Variants in SLMAP observed in about 807,000 individuals in gnomAD.
SLMAP encodes sarcolemma associated protein.
A neutral mutation model predicts 128.8 loss-of-function variants in SLMAP; 44 were observed. That is an observed-to-expected ratio of 0.34 (90% CI 0.27 to 0.44). The LOEUF (loss-of-function observed/expected upper bound fraction) is 0.44. SLMAP is among the 20% of genes least tolerant of loss of function. The pLI, the probability that SLMAP is intolerant of heterozygous loss-of-function variation, is 1.00. For missense variants in SLMAP, 787 were observed against 985.3 expected (o/e 0.80, Z 2.69); for synonymous variants, 327 against 348.8 (o/e 0.94, Z 0.70).
chr3:57,853,955 T>TTA (rs1157170350), intron 6 of SLMAP, among the ~76,000 whole-genome samples: 6,070 of 31,510 alleles, frequency 0.19, 579 homozygotes, highest in Non-Finnish European at 0.21. Context: ...AAAAAAAAAA[T>TTA]TATATATATA....
In SLMAP at chr3:57,896,213, A is replaced by G; in HGVS notation, c.1361-298A>G. The stretch of plus-strand genomic sequence containing the variant: ...CTATATTTGTTGCAGTTCTTTGAAT[A>G]CTTTAGCAAAGCTTGCTTCGTTTTT... On this transcript the variant is annotated intron_variant, in intron 15 of 24. Coordinates refer to ENST00000671191, the MANE Select transcript of SLMAP (RefSeq NM_001377540.1). 5 of 1,079,072 alleles carry G rather than the reference A, an allele frequency of 4.6e-6. No individual in the cohort carries two copies. The South Asian group carries it at 1.7e-4, about 36-fold the overall frequency. The allele number at this position is 1,079,072 out of a possible 1,614,324, so 66.8% of individuals were successfully genotyped here.
In SLMAP at chr3:57,786,637, A is replaced by G. The variant is rs1304766770; in HGVS notation, c.198+28788A>G. Among the ~76,000 whole-genome samples the G allele has an allele frequency of 2.7e-5, 4 of 149,598 alleles. No individual in the cohort carries two copies. In the East Asian group the frequency reaches 7.8e-4, roughly 29 times the overall value. ...AGTGGCACGATCTTGGTTCACTACA[A>G]CCTCCGCCTCCCAGGTTCAAACGAT... On this transcript the variant is annotated intron_variant, in intron 2 of 24. Transcript: ENST00000671191.
intron 2 of SLMAP, among the ~76,000 whole-genome samples, chr3:57,784,966 C>T: frequency 6.6e-6 from 1 of 152,124 alleles, no homozygotes; most frequent in East Asian, 1.9e-4. Context: ...AAGGCCCTCA[C>T]CAGATGCTGG....
At chr3:57,866,905 G>T (rs1321436886) in intron 13 of SLMAP, among the ~76,000 whole-genome samples, 1 of 151,980 alleles carries the variant, frequency 6.6e-6, no homozygotes, top group East Asian at 1.9e-4. Flanking sequence ...CGGGGCAGTG[G>T]CTCACACCTG....
At chr3:57,905,268 A>T (rs1199398208) in intron 17 of SLMAP, among the ~76,000 whole-genome samples, 3 of 151,970 alleles carry the variant, frequency 2.0e-5, no homozygotes, top group Non-Finnish European at 4.4e-5. Flanking sequence ...CCTACACCAG[A>T]GGATTAATCC....
At chr3:57,836,440 C>T (rs1242087658) in intron 3 of SLMAP, among the ~76,000 whole-genome samples, 2 of 152,182 alleles carry the variant, frequency 1.3e-5, no homozygotes, top group African/African-American at 4.8e-5. Flanking sequence ...CCTAATACCA[C>T]TGAACATATC....
At chr3:57,897,087 G>T in intron 17 of SLMAP, 155 bp downstream of exon 17, 1 of 1,400,898 alleles carries the variant, frequency 7.1e-7, no homozygotes, top group South Asian at 1.9e-5. Flanking sequence ...TAAAGTTTTG[G>T]TGTTTATACC....
At chr3:57,865,910 G>A (rs1405575174) in intron 13 of SLMAP, among the ~76,000 whole-genome samples, 1 of 152,124 alleles carries the variant, frequency 6.6e-6, no homozygotes, top group Non-Finnish European at 1.5e-5. Flanking sequence ...CTTCAGTCTT[G>A]AAGATCCCTA....
At chr3:57,905,509 G>A (rs1403171723) in intron 17 of SLMAP, among the ~76,000 whole-genome samples, 1 of 152,050 alleles carries the variant, frequency 6.6e-6, no homozygotes, top group African/African-American at 2.4e-5. Flanking sequence ...TTGAACTCCT[G>A]ACCTCAAGAG....
Position 57,922,870 on chromosome 3 carries a change from T to C in SLMAP, c.2311-19T>C, listed in dbSNP as rs769471099. 3 of 1,609,184 alleles carry C rather than the reference T, an allele frequency of 1.9e-6. No individual in the cohort carries two copies. The African/African-American group carries it at 4.0e-5, about 21-fold the overall frequency. The stretch of plus-strand genomic sequence containing the variant: ...CATTTTAAGTTGTATCTGCACACTT[T>C]TTTTTTCTTTGCCTTTAGTATGAAA... On this transcript the variant is annotated intron_variant, in intron 22 of 24. Transcript: ENST00000671191.
intron 2 of SLMAP, among the ~76,000 whole-genome samples, chr3:57,768,557 T>C (rs142246762): frequency 3.0e-4 from 46 of 152,188 alleles, no homozygotes; most frequent in Admixed American, 1.6e-3. Flanking sequence ...ATGTGTAGAA[T>C]AGGTAAATTC....
chr3:57,874,156 A>C (rs1401188884), intron 14 of SLMAP, among the ~76,000 whole-genome samples: 1 of 152,076 alleles, frequency 6.6e-6, no homozygotes. Flanking sequence ...TCCGGGAGTG[A>C]TGGCACATGT....
rs573458427 is a variant in SLMAP at position 57,813,443 on chromosome 3, G to A, written c.199-17940G>A. On this transcript the variant is annotated intron_variant, in intron 2 of 24. Coordinates refer to ENST00000671191, the MANE Select transcript of SLMAP (RefSeq NM_001377540.1). ...TATTGCTGAATCATTTTCCAAAAAAGTTGTATCAATTTATAGTCTCATGTC... is the reference window on the plus strand; with the variant it reads ...TATTGCTGAATCATTTTCCAAAAAAATTGTATCAATTTATAGTCTCATGTC... Among the ~76,000 whole-genome samples the A allele has an allele frequency of 5.3e-5, 8 of 152,162 alleles. No homozygotes were observed. In the East Asian group the frequency reaches 1.3e-3, roughly 26 times the overall value.
chr3:57,771,429 C>T (rs1267626317), intron 2 of SLMAP, among the ~76,000 whole-genome samples: 1 of 152,160 alleles, frequency 6.6e-6, no homozygotes, highest in Non-Finnish European at 1.5e-5. Flanking sequence ...TGGAATCTCG[C>T]CATGTTGCCC....
At chr3:57,858,011 C>T in intron 7 of SLMAP, 77 bp from the exon 8 acceptor site, 1 of 1,028,190 alleles carries the variant, frequency 9.7e-7, no homozygotes, top group Admixed American at 1.9e-5. Flanking sequence ...CTTTTGTTGT[C>T]AGTAGCAACC....
intron 2 of SLMAP, among the ~76,000 whole-genome samples, chr3:57,814,848 G>A (rs193274724): frequency 1.5e-3 from 230 of 152,144 alleles, no homozygotes; most frequent in African/African-American, 5.3e-3. Flanking sequence ...CTAGCTGGGT[G>A]TGGTGAATGT....
intron 3 of SLMAP, among the ~76,000 whole-genome samples, chr3:57,835,730 AT>A (rs2093608120): frequency 6.6e-6 from 1 of 152,212 alleles, no homozygotes; most frequent in South Asian, 2.1e-4. Context: ...GTAAAATAGA[AT>A]AAAAAATAGC....
chr3:57,794,553 C>A (rs753117252), intron 2 of SLMAP, among the ~76,000 whole-genome samples: 1 of 152,074 alleles, frequency 6.6e-6, no homozygotes, highest in Non-Finnish European at 1.5e-5. Context: ...TTCATCACTC[C>A]CAAAAGAAAG....
chr3:57,856,582 A>G (rs1227545613), intron 6 of SLMAP, among the ~76,000 whole-genome samples: 1 of 152,170 alleles, frequency 6.6e-6, no homozygotes, highest in Non-Finnish European at 1.5e-5. Flanking sequence ...AGTAACATGC[A>G]TGGAGCTGTC....
Sources: allele counts gnomAD v4.1 joint callset (sites outside exome capture counted in the v4.1 genomes callset), GRCh38; gene constraint gnomAD v4.1.1; transcripts MANE v1.5; gene names NCBI Gene and HGNC (gene_info 2026-07-23, HGNC 2026-07-21).